Variants in PRCP observed in about 807,000 individuals in gnomAD.
The protein encoded by PRCP is prolylcarboxypeptidase, also known as lysosomal Pro-X carboxypeptidase.
A neutral mutation model predicts 54.2 loss-of-function variants in PRCP; 46 were observed. That is an observed-to-expected ratio of 0.85 (90% CI 0.67 to 1.09). The LOEUF (loss-of-function observed/expected upper bound fraction) is 1.09, where lower values mean the gene tolerates loss of function less well. Ranked by LOEUF, PRCP falls within the 50% of genes least tolerant of loss-of-function variation. The probability of loss-of-function intolerance (pLI) is 0.00; values close to 1 mark genes in which losing one functional copy is unlikely to be tolerated. For synonymous variants in PRCP, 240 were observed against 212.2 expected (o/e 1.13, Z -1.14); for missense variants, 613 against 596.8 (o/e 1.03, Z -0.28).
chr11:82,881,446 C>G (rs931253086), intron 1 of PRCP, among the ~76,000 whole-genome samples: 1 of 152,078 alleles, frequency 6.6e-6, no homozygotes, highest in African/African-American at 2.4e-5. Flanking sequence ...ACTAGGGCAC[C>G]TGGGGGTAGG....
chr11:82,849,273 T>C (rs776483695), intron 5 of PRCP, 55 bp from the exon 6 acceptor site: 37 of 1,551,048 alleles, frequency 2.4e-5, no homozygotes, highest in Non-Finnish European at 2.9e-5. Context: ...ACAGATGTCT[T>C]TACAGATCAT....
intron 2 of PRCP, among the ~76,000 whole-genome samples, chr11:82,857,123 A>G (rs904314645): frequency 6.6e-6 from 1 of 152,106 alleles, no homozygotes; most frequent in Non-Finnish European, 1.5e-5. Flanking sequence ...CTGTCTACTC[A>G]TAGGCATTGA....
intron 6 of PRCP, among the ~76,000 whole-genome samples, chr11:82,842,114 G>C (rs955374072): frequency 6.6e-6 from 1 of 152,190 alleles, no homozygotes; most frequent in African/African-American, 2.4e-5. Flanking sequence ...AAGAACAGTA[G>C]CAAGTGAGTG....
chr11:82,901,627 T>C (rs979501904), upstream of PRCP: 1 of 152,362 alleles, frequency 6.6e-6, no homozygotes, highest in African/African-American at 2.4e-5. Context: ...TTCCAGATGC[T>C]TGTAGGATTT....
At chr11:82,834,841 G>A (rs1025001831) in intron 8 of PRCP, among the ~76,000 whole-genome samples, 2 of 152,160 alleles carry the variant, frequency 1.3e-5, no homozygotes, top group Admixed American at 6.5e-5. Flanking sequence ...TTGGGAGGCC[G>A]AGGCAGGCGG....
chr11:82,843,874 C>A (rs769891304), intron 6 of PRCP, among the ~76,000 whole-genome samples: 6 of 151,326 alleles, frequency 4.0e-5, no homozygotes, highest in Admixed American at 1.3e-4. Context: ...GCTACAGATA[C>A]ACAATTTAAA....
At chr11:82,882,914 T>A (rs987380642) in intron 1 of PRCP, among the ~76,000 whole-genome samples, 1 of 144,876 alleles carries the variant, frequency 6.9e-6, no homozygotes, top group Non-Finnish European at 1.5e-5. Context: ...TCTCCAGACC[T>A]AAAGAACGAT....
At chr11:82,894,064 A>G (rs932724988) in intron 1 of PRCP, among the ~76,000 whole-genome samples, 1 of 152,130 alleles carries the variant, frequency 6.6e-6, no homozygotes, top group Non-Finnish European at 1.5e-5. Flanking sequence ...TAATATCTTT[A>G]TTAAGAAGTA....
At chr11:82,860,175 A>G (rs950316996) in intron 1 of PRCP, 58 bp from the exon 2 acceptor site, 2 of 1,191,666 alleles carry the variant, frequency 1.7e-6, no homozygotes, top group African/African-American at 3.2e-5. Context: ...TGAGATCAAC[A>G]TAAAGGTAAT....
At position 82,900,390 on chromosome 11, in the gene PRCP, C is replaced by T. The variant is rs1348577158; in HGVS notation, c.13G>A (p.Ala5Thr). The T allele has an allele frequency of 3.1e-6, 5 of 1,613,510 alleles. No homozygotes were observed. The highest frequency in any genetic ancestry group is 4.2e-6 in the Non-Finnish European group (5 of 1,179,872). MGRR[A>T]LLLLLLSFLA... ...AAAGACAGAAGCAGGAGCAGGAGGG[C>T]TCGGCGGCCCATGGCTCAGGCTGGA... Residue 5 changes from alanine (A) to threonine (T), a missense_variant, in exon 1 of 9, where the codon GCC (alanine) becomes ACC (threonine). Coordinates refer to ENST00000313010, the MANE Select transcript of PRCP (RefSeq NM_005040.4).
At chr11:82,847,512 T>C (rs889444647) in intron 6 of PRCP, among the ~76,000 whole-genome samples, 1 of 152,246 alleles carries the variant, frequency 6.6e-6, no homozygotes, top group African/African-American at 2.4e-5. Context: ...TAAAGTAATA[T>C]GGACAGATAA....
intron 1 of PRCP, among the ~76,000 whole-genome samples, chr11:82,860,357 A>G (rs1859180645): frequency 8.3e-6 from 1 of 120,616 alleles, no homozygotes; most frequent in African/African-American, 4.9e-5. Context: ...ATGTAAAAGA[A>G]AAAATACAAT....
At chr11:82,853,501 G>A (rs1859009249) in intron 2 of PRCP, among the ~76,000 whole-genome samples, 1 of 152,070 alleles carries the variant, frequency 6.6e-6, no homozygotes, top group Non-Finnish European at 1.5e-5. Context: ...ATAATCCCAG[G>A]TTGCTCATCC....
chr11:82,840,058 T>C (rs1858624465), intron 6 of PRCP: 1 of 152,058 alleles, frequency 6.6e-6, no homozygotes, highest in African/African-American at 2.4e-5. Context: ...TATACTTTTA[T>C]AAAAATGCAA....
chr11:82,889,110 C>G (rs1859937121), intron 1 of PRCP, among the ~76,000 whole-genome samples: 1 of 115,468 alleles, frequency 8.7e-6, no homozygotes, highest in African/African-American at 4.6e-5. Flanking sequence ...AATCCCAACA[C>G]TTTGTGAGGT....
At position 82,886,114 on chromosome 11, in the gene PRCP, C is replaced by A. The variant is rs1308704656; in HGVS notation, c.168+14121G>T. ...ATTTAAATCTCTTCTTTCTGTAACA[C>A]AAAGTCAAAGTCAGAAGAAAGTTCT... On this transcript the variant is annotated intron_variant, in intron 1 of 8. Coordinates refer to ENST00000313010, the MANE Select transcript of PRCP (RefSeq NM_005040.4). Among the ~76,000 whole-genome samples, 10 of 152,162 alleles carry A rather than the reference C, an allele frequency of 6.6e-5. No individual in the cohort carries two copies. In the East Asian group the frequency reaches 1.9e-3, roughly 29 times the overall value.
intron 6 of PRCP, among the ~76,000 whole-genome samples, chr11:82,842,482 A>G (rs775702607): frequency 1.5e-4 from 23 of 152,232 alleles, no homozygotes; most frequent in Non-Finnish European, 2.6e-4. Flanking sequence ...TAGAAAATCT[A>G]GAAGAGAGCA....
intron 1 of PRCP, chr11:82,899,970 T>G: frequency 2.2e-6 from 1 of 447,580 alleles, no homozygotes; most frequent in Non-Finnish European, 4.0e-6. Flanking sequence ...GCAGAGGGAG[T>G]TGAAGTGACT....
upstream of PRCP, chr11:82,900,537 C>T (rs1322559152): frequency 1.6e-6 from 2 of 1,270,636 alleles, no homozygotes; most frequent in East Asian, 2.5e-5. Context: ...CAAAGCCAGC[C>T]AGCTCCTCAG....
Sources: allele counts gnomAD v4.1 joint callset (sites outside exome capture counted in the v4.1 genomes callset), GRCh38; gene constraint gnomAD v4.1.1; transcripts MANE v1.5; gene names NCBI Gene and HGNC (gene_info 2026-07-23, HGNC 2026-07-21).